DIDO1: variants seen among roughly 807,000 people sequenced by gnomAD.
DIDO1 encodes the protein death-inducer obliterator 1.
DIDO1 carries 16 observed loss-of-function variants against 99.4 expected under a neutral mutation model. The observed-to-expected ratio is 0.16, with a 90% CI of 0.11 to 0.24. The LOEUF (loss-of-function observed/expected upper bound fraction) is 0.24, where lower values mean the gene tolerates loss of function less well. DIDO1 is among the 10% of genes least tolerant of loss of function. The pLI is 1.00. For synonymous variants in DIDO1, 1,366 were observed against 1,239.1 expected, an observed-to-expected ratio of 1.10 and a Z score of -2.15; for missense variants, 2,996 against 3,014.0, an observed-to-expected ratio of 0.99 and a Z score of 0.14.
At chr20:62,906,121 C>CA in intron 5 of DIDO1, 21 bp from the exon 6 acceptor site, 1 of 1,593,862 alleles carries the variant, frequency 6.3e-7, no homozygotes, top group Non-Finnish European at 8.5e-7. Flanking sequence ...AGTAAAACCC[C>CA]AAATCATTAA....
chr20:62,880,521 G>A lies in DIDO1; in HGVS notation c.5435C>T (p.Ser1812Leu). 2.5e-6 allele frequency: 4 copies of A among 1,612,954 alleles called. No individual in the cohort carries two copies. Among genetic ancestry groups the A allele is most frequent in the Non-Finnish European group, 3.4e-6 (4 of 1,179,948 alleles). Reference protein sequence around the residue: ...AQKGPIPSLFSGQHGPPPYGD... With the variant: ...AQKGPIPSLFLGQHGPPPYGD... Reference sequence around the variant, plus strand: ...ATAAGGAGGTGGCCCATGTTGCCCCGAGAATAAGGAAGGGATGGGCCCCTT... The same window carrying A: ...ATAAGGAGGTGGCCCATGTTGCCCCAAGAATAAGGAAGGGATGGGCCCCTT... The change falls in exon 16 of 16, where the codon TCG (serine) becomes TTG (leucine). Residue 1812 changes from serine to leucine, a missense_variant. Coordinates refer to ENST00000395343, the MANE Select transcript of DIDO1 (RefSeq NM_001193369.2).
At chr20:62,901,295 CT>C (rs1413280736) in intron 6 of DIDO1, among the ~76,000 whole-genome samples, 1 of 152,186 alleles carries the variant, frequency 6.6e-6, no homozygotes, top group Non-Finnish European at 1.5e-5. Context: ...ATACCCGCTA[CT>C]TGAGTGCCTT....
Position 62,894,782 on chromosome 20 carries a change from G to A in DIDO1, c.2436+28C>T, listed in dbSNP as rs373935530. ...TTTGGGATGGATTAGTCTATTCTCG[G>A]TGAACACAAAATCTCCCAAATGCTT... is the stretch of plus-strand genomic sequence containing the variant. On this transcript the variant is annotated intron_variant, in intron 10 of 15. Transcript: ENST00000395343. The surrounding 1 kb of genome is among the most constrained non-coding windows in gnomAD (Gnocchi z 4.4). 2 of 1,596,656 alleles carry A rather than the reference G, an allele frequency of 1.3e-6. No individual in the cohort carries two copies. Among genetic ancestry groups the A allele is most frequent in the Non-Finnish European group, 1.7e-6 (2 of 1,171,388 alleles).
Position 62,892,916 on chromosome 20 carries a change from A to G in DIDO1, c.3148T>C (p.Leu1050=). 2 of 1,614,120 alleles carry G rather than the reference A, an allele frequency of 1.2e-6. No homozygotes were observed. Among genetic ancestry groups the G allele is most frequent in the East Asian group, 2.2e-5 (1 of 44,892 alleles). The change falls in exon 13 of 16, where the codon TTG becomes CTG. Residue 1050 remains leucine, a synonymous_variant. Coordinates refer to ENST00000395343, the MANE Select transcript of DIDO1 (RefSeq NM_001193369.2). ...TTCCAAATGGTGCTGAGTCGAGACA[A>G]AAAGAGGGTCGTGTCTCCCTCTGGA... ...SPPEGDTTLF[L]SRLSTIWKGF...
In DIDO1 at chr20:62,898,565, A is replaced by G. The variant is rs1037316521; in HGVS notation, c.1589-1569T>C. Among the ~76,000 whole-genome samples the G allele has an allele frequency of 9.9e-5, 15 of 152,244 alleles. No homozygotes were observed. The East Asian group carries it at 2.7e-3, about 27-fold the overall frequency. ...ACCATCATTTTAATGGTAACTAAGT[A>G]AAGGCAAATCCTGTATTTTCATCTT... On this transcript the variant is annotated intron_variant, in intron 6 of 15. Coordinates refer to ENST00000395343, the MANE Select transcript of DIDO1 (RefSeq NM_001193369.2).
chr20:62,926,491 G>C lies in DIDO1; in HGVS notation c.-252C>G, dbSNP rs1420225607. ...TTCCCCGAACGCCGCGGAGTGGGCG[G>C]ACGGCCACCGAGATGGCGCGGGGCT... On this transcript the variant is annotated 5_prime_UTR_variant, in exon 1 of 16. Coordinates refer to ENST00000395343, the MANE Select transcript of DIDO1 (RefSeq NM_001193369.2). 6.6e-6 allele frequency: 1 copy of C among 151,956 alleles called. No individual in the cohort carries two copies. Among genetic ancestry groups the C allele is most frequent in the Non-Finnish European group, 1.5e-5 (1 of 67,964 alleles). The allele number at this position is 151,956 out of a possible 1,614,324, so 9.4% of individuals were successfully genotyped here. A position where few individuals can be genotyped will look rare whatever the true frequency, so the allele number is the denominator to read the frequency against.
intron 1 of DIDO1, among the ~76,000 whole-genome samples, chr20:62,922,695 G>C (rs114355003): frequency 2.6e-5 from 4 of 152,230 alleles, no homozygotes; most frequent in African/African-American, 9.7e-5. Context: ...TGCAACAGAC[G>C]GTAGGTGCCA....
intron 1 of DIDO1, among the ~76,000 whole-genome samples, chr20:62,923,516 G>A (rs1423689471): frequency 2.0e-5 from 3 of 152,126 alleles, no homozygotes; most frequent in African/African-American, 7.2e-5. Context: ...GCACAGCCGT[G>A]AGAAAAACTC....
At chr20:62,901,207 G>A (rs527565492) in intron 6 of DIDO1, among the ~76,000 whole-genome samples, 2 of 152,216 alleles carry the variant, frequency 1.3e-5, no homozygotes, top group Non-Finnish European at 2.9e-5. Context: ...ACTACAGCCA[G>A]GACGCCCTTG....
chr20:62,891,855 C>T (rs985442021), intron 14 of DIDO1, 132 bp downstream of exon 14: 2 of 729,162 alleles, frequency 2.7e-6, no homozygotes, highest in Non-Finnish European at 4.4e-6. Flanking sequence ...TTTTAACATT[C>T]ACCTGGAAAT....
intron 8 of DIDO1, 46 bp from the exon 9 acceptor site, chr20:62,895,211 T>A (rs1435796375): frequency 2.0e-6 from 3 of 1,529,826 alleles, no homozygotes; most frequent in Non-Finnish European, 2.7e-6. Flanking sequence ...TTCCTATATC[T>A]GTCAATACAG....
intron 15 of DIDO1, chr20:62,890,709 G>C: frequency 7.4e-7 from 1 of 1,350,308 alleles, no homozygotes; most frequent in Non-Finnish European, 9.5e-7. Context: ...AAGATGAGCT[G>C]GTTGCAGGCT....
intron 1 of DIDO1, among the ~76,000 whole-genome samples, chr20:62,924,948 T>C (rs1266591535): frequency 1.3e-5 from 2 of 152,132 alleles, no homozygotes; most frequent in Non-Finnish European, 2.9e-5. Flanking sequence ...CTGAAACAAG[T>C]CTACAAGAAC....
chr20:62,906,813 A>C (rs1454377123), intron 5 of DIDO1, among the ~76,000 whole-genome samples: 1 of 151,508 alleles, frequency 6.6e-6, no homozygotes, highest in Non-Finnish European at 1.5e-5. Flanking sequence ...CCCGCCTCCC[A>C]CTCCTACCTG....
chr20:62,893,032 CTT>C (rs11362069), intron 12 of DIDO1, 70 bp from the exon 13 acceptor site: 12,688 of 1,238,222 alleles, frequency 0.01, no homozygotes, highest in South Asian at 0.012. Context: ...AGTAGAAAGC[CTT>C]TTTTTTTTTT....
At chr20:62,935,809 T>C (rs1351084400) in intron 1 of DIDO1, among the ~76,000 whole-genome samples, 3 of 152,060 alleles carry the variant, frequency 2.0e-5, no homozygotes, top group Non-Finnish European at 2.9e-5. Context: ...ATGTGAGAGG[T>C]AGTGACAGGA....
chr20:62,887,766 A>G, intron 15 of DIDO1: 49 of 985,378 alleles, frequency 5.0e-5, no homozygotes, highest in Non-Finnish European at 5.8e-5. Flanking sequence ...ACAGGCCGGG[A>G]CTCTGCGACC....
At chr20:62,887,285 G>C (rs952969178) in intron 15 of DIDO1, 8 of 985,336 alleles carry the variant, frequency 8.1e-6, no homozygotes, top group Non-Finnish European at 9.6e-6. Flanking sequence ...ATTTGACTCT[G>C]ATTACAATTT....
intron 14 of DIDO1, 128 bp from the exon 15 acceptor site, chr20:62,891,283 G>A: frequency 1.4e-6 from 2 of 1,462,748 alleles, no homozygotes; most frequent in South Asian, 2.7e-5. Context: ...ATCTCACAGA[G>A]CTGCTGTCTC....
Sources: allele counts gnomAD v4.1 joint callset (sites outside exome capture counted in the v4.1 genomes callset), GRCh38; gene constraint gnomAD v4.1.1; non-coding constraint Gnocchi (gnomAD v3.1); transcripts MANE v1.5; gene names NCBI Gene and HGNC (gene_info 2026-07-23, HGNC 2026-07-21).